SEMA3C: variants seen among roughly 807,000 people sequenced by gnomAD.
The protein encoded by SEMA3C is semaphorin 3C, also known as semaphorin-3C.
Under a neutral mutation model 89.4 loss-of-function variants are expected in SEMA3C, and 47 were observed. The ratio of observed to expected loss-of-function variants is 0.53; its 90% CI spans 0.42 to 0.67. The LOEUF is 0.67. Among genes scored for constraint, SEMA3C ranks in the 30% least tolerant of loss-of-function variants. The probability of loss-of-function intolerance (pLI) is 0.00; values close to 1 mark genes in which losing one functional copy is unlikely to be tolerated. For synonymous variants in SEMA3C, 310 were observed against 320.2 expected (o/e 0.97, Z 0.34); for missense variants, 839 against 929.1 (o/e 0.90, Z 1.26).
At chr7:80,838,010 T>C (rs1395952450) in intron 2 of SEMA3C, among the ~76,000 whole-genome samples, 2 of 152,202 alleles carry the variant, frequency 1.3e-5, no homozygotes, top group East Asian at 3.9e-4. Flanking sequence ...TTTTGTTTGC[T>C]ATATTGATTT....
At position 80,785,061 on chromosome 7, in the gene SEMA3C, A is replaced by G. The variant is rs537348392; in HGVS notation, c.1354+4245T>C. ...TTTTCCTTTTCTTTTTAAATTAATT[A>G]ATAATTAATTTTGCTTGATATCTGG... On this transcript the variant is annotated intron_variant, in intron 12 of 17. Transcript: ENST00000265361. Among the ~76,000 whole-genome samples, 25 of 152,200 alleles carry G rather than the reference A, an allele frequency of 1.6e-4. No individual in the cohort carries two copies. The South Asian group carries it at 2.5e-3, about 15-fold the overall frequency.
At chr7:80,798,635 A>G (rs1789123744) in intron 10 of SEMA3C, among the ~76,000 whole-genome samples, 1 of 152,222 alleles carries the variant, frequency 6.6e-6, no homozygotes, top group African/African-American at 2.4e-5. Flanking sequence ...AATCTCATTA[A>G]TAATTGAACA....
chr7:80,778,364 T>A (rs1788614911), intron 12 of SEMA3C, among the ~76,000 whole-genome samples: 1 of 152,232 alleles, frequency 6.6e-6, no homozygotes, highest in Non-Finnish European at 1.5e-5. Context: ...ATACAACAAC[T>A]ACATGTCCAA....
At chr7:80,921,115 T>C (rs1792401105), upstream of SEMA3C, among the ~76,000 whole-genome samples, 1 of 152,186 alleles carries the variant, frequency 6.6e-6, no homozygotes, top group Non-Finnish European at 1.5e-5. Flanking sequence ...CCAAACTCAA[T>C]TTACAAACAC....
At chr7:80,867,244 T>C (rs1336700364) in intron 2 of SEMA3C, among the ~76,000 whole-genome samples, 1 of 152,038 alleles carries the variant, frequency 6.6e-6, no homozygotes, top group Admixed American at 6.6e-5. Flanking sequence ...TAAAATAGAT[T>C]TCTTTCTTTT....
chr7:80,820,092 C>T, intron 4 of SEMA3C, among the ~76,000 whole-genome samples: 1 of 134,576 alleles, frequency 7.4e-6, no homozygotes, highest in Non-Finnish European at 1.5e-5. Context: ...GAGTCTTGCT[C>T]TGTTGCCCAG....
rs1789891605 is a variant in SEMA3C, at chr7:80,827,225, T to G, written c.327+200A>C. Among the ~76,000 whole-genome samples the G allele has an allele frequency of 2.6e-5, 4 of 152,098 alleles. No individual in the cohort carries two copies. The South Asian group carries it at 8.3e-4, about 32-fold the overall frequency. On this transcript the variant is annotated intron_variant, in intron 4 of 17. Coordinates refer to ENST00000265361, the MANE Select transcript of SEMA3C (RefSeq NM_006379.5). ...ATAATGAAAGCAAGGCAAGCAATTT[T>G]TACCCAGTTAGGAATTCTGAAGTTA...
At chr7:80,837,789 G>A (rs142517846) in intron 2 of SEMA3C, among the ~76,000 whole-genome samples, 222 of 152,208 alleles carry the variant, frequency 1.5e-3, no homozygotes, top group African/African-American at 5.3e-3. Context: ...TCTCAGGTTC[G>A]CTGATAAATT....
chr7:80,889,866 G>A (rs1026569508), intron 2 of SEMA3C, among the ~76,000 whole-genome samples: 1 of 152,202 alleles, frequency 6.6e-6, no homozygotes, highest in Non-Finnish European at 1.5e-5. Flanking sequence ...GGCAGATGGA[G>A]TCAGATGTGG....
At chr7:80,866,572 T>C (rs1392825785) in intron 2 of SEMA3C, among the ~76,000 whole-genome samples, 1 of 152,198 alleles carries the variant, frequency 6.6e-6, no homozygotes, top group Non-Finnish European at 1.5e-5. Context: ...ATGACGGCTA[T>C]GCATAATTAT....
intron 2 of SEMA3C, among the ~76,000 whole-genome samples, chr7:80,840,696 GA>G (rs1406630280): frequency 6.6e-6 from 1 of 152,006 alleles, no homozygotes; most frequent in African/African-American, 2.4e-5. Context: ...GAGCATTAAA[GA>G]ATGAAGAATT....
intron 2 of SEMA3C, among the ~76,000 whole-genome samples, chr7:80,848,092 G>T (rs76552311): frequency 6.6e-6 from 1 of 152,120 alleles, no homozygotes; most frequent in African/African-American, 2.4e-5. Context: ...AGTTAGTTAC[G>T]CAATTTCTGA....
intron 12 of SEMA3C, 103 bp from the exon 13 acceptor site, chr7:80,765,346 G>A (rs1268442420): frequency 2.5e-6 from 2 of 813,088 alleles, no homozygotes; most frequent in Non-Finnish European, 2.0e-6. Flanking sequence ...TAAGTATTTA[G>A]TAATCAAAAA....
chr7:80,785,451 A>G (rs1174865774), intron 12 of SEMA3C, among the ~76,000 whole-genome samples: 1 of 152,176 alleles, frequency 6.6e-6, no homozygotes, highest in Non-Finnish European at 1.5e-5. Context: ...TTCATTTATA[A>G]CAGCTGAAGG....
intron 9 of SEMA3C, among the ~76,000 whole-genome samples, chr7:80,801,373 T>C (rs144865640): frequency 1.1e-4 from 17 of 152,206 alleles, no homozygotes; most frequent in African/African-American, 4.1e-4. Flanking sequence ...TGGTCAAAAT[T>C]GCTAGTGATA....
chr7:80,866,740 C>T (rs1242790361), intron 2 of SEMA3C, among the ~76,000 whole-genome samples: 1 of 152,122 alleles, frequency 6.6e-6, no homozygotes, highest in Non-Finnish European at 1.5e-5. Context: ...AAAAATCATT[C>T]AACATAAGGG....
chr7:80,899,381 A>G (rs80203027), intron 2 of SEMA3C, among the ~76,000 whole-genome samples: 105 of 152,330 alleles, frequency 6.9e-4, no homozygotes, highest in African/African-American at 2.4e-3. Flanking sequence ...GTAGACAAAG[A>G]CAAAAGTAAA....
chr7:80,810,258 GA>G (rs891968415), intron 6 of SEMA3C, among the ~76,000 whole-genome samples: 6 of 151,408 alleles, frequency 4.0e-5, no homozygotes, highest in East Asian at 1.9e-4. Flanking sequence ...GAAAGGTAAA[GA>G]AAAAAATACT....
chr7:80,779,530 CCT>C (rs762001379), intron 12 of SEMA3C, among the ~76,000 whole-genome samples: 15 of 152,062 alleles, frequency 9.9e-5, no homozygotes, highest in African/African-American at 2.9e-4. Flanking sequence ...ATTTCTAACC[CCT>C]GTCTTAATTT....
Sources: allele counts gnomAD v4.1 joint callset (sites outside exome capture counted in the v4.1 genomes callset), GRCh38; gene constraint gnomAD v4.1.1; transcripts MANE v1.5; gene names NCBI Gene and HGNC (gene_info 2026-07-23, HGNC 2026-07-21).